The following NHERF1 variants were observed in gnomAD, a reference collection of about 807,000 sequenced individuals.
The protein encoded by NHERF1 is Na(+)/H(+) exchange regulatory cofactor NHE-RF1.
At chr17:74,749,915 T>A in the NHERF1 span, among the ~76,000 whole-genome samples, 2 of 151,952 alleles carry the variant, frequency 1.3e-5, no homozygotes, top group Non-Finnish European at 2.9e-5. The surrounding 1 kb of genome is among the most constrained non-coding windows in gnomAD (Gnocchi z 5.6). Flanking sequence ...GGTGTGGGGG[T>A]TGCCTGGCAG....
At chr17:74,756,273 C>CTTTCTT in the NHERF1 span, among the ~76,000 whole-genome samples, 360 of 72,028 alleles carry the variant, frequency 5.0e-3, 5 homozygotes, top group African/African-American at 0.014. Context: ...TTCTTTCTTT[C>CTTTCTT]TTTTTTTTTT....
chr17:74,768,317 T>G, the NHERF1 span: 28 of 1,386,130 alleles, frequency 2.0e-5, no homozygotes, highest in African/African-American at 3.6e-4. Context: ...CACACCAGCC[T>G]GCCTTTGAGG....
chr17:74,769,325 C>T, the NHERF1 span: 1 of 152,314 alleles, frequency 6.6e-6, no homozygotes, highest in Non-Finnish European at 1.5e-5. Flanking sequence ...TAAGGAAACA[C>T]TTTCAGAAAT....
chr17:74,768,231 G>A, the NHERF1 span: 64 of 1,612,026 alleles, frequency 4.0e-5, no homozygotes, highest in Non-Finnish European at 5.0e-5. Context: ...TGACACCAGC[G>A]AGGAGGTAGG....
the NHERF1 span, among the ~76,000 whole-genome samples, chr17:74,767,577 G>C: frequency 6.5e-3 from 996 of 152,286 alleles, 14 homozygotes; most frequent in African/African-American, 0.023. Context: ...CTCCTGCCAG[G>C]GTACTTGGCA....
chr17:74,753,922 G>A, the NHERF1 span, among the ~76,000 whole-genome samples: 2 of 152,076 alleles, frequency 1.3e-5, no homozygotes, highest in African/African-American at 2.4e-5. Context: ...AGGCCGAGGC[G>A]GGTGGATCAG....
the NHERF1 span, chr17:74,749,369 C>G: frequency 2.3e-5 from 30 of 1,296,306 alleles, no homozygotes; most frequent in South Asian, 4.5e-4. The surrounding 1 kb of genome is among the most constrained non-coding windows in gnomAD (Gnocchi z 5.6). Context: ...CCGTCCAGCC[C>G]CGCGCCCGCC....
At chr17:74,763,311 AC>A in the NHERF1 span, 2 of 1,565,764 alleles carry the variant, frequency 1.3e-6, no homozygotes, top group South Asian at 2.4e-5. Context: ...CCCTCCACTT[AC>A]CTGCCCCAGA....
At chr17:74,765,103 T>A in the NHERF1 span, among the ~76,000 whole-genome samples, 1 of 151,854 alleles carries the variant, frequency 6.6e-6, no homozygotes, top group Non-Finnish European at 1.5e-5. Flanking sequence ...GTGAGCCCAG[T>A]GAAGGTGACC....
chr17:74,750,219 C>A, the NHERF1 span, among the ~76,000 whole-genome samples: 2 of 152,150 alleles, frequency 1.3e-5, no homozygotes, highest in Non-Finnish European at 2.9e-5. Flanking sequence ...GGTGTTTGCC[C>A]ATGGGATCCC....
the NHERF1 span, chr17:74,767,125 A>C: frequency 1.3e-6 from 1 of 757,606 alleles, no homozygotes; most frequent in Non-Finnish European, 2.3e-6. Context: ...TCCAAGCTAT[A>C]GAACTGCCAG....
At chr17:74,761,851 A>T in the NHERF1 span, among the ~76,000 whole-genome samples, 3 of 152,188 alleles carry the variant, frequency 2.0e-5, no homozygotes, top group Non-Finnish European at 4.4e-5. This position sits in a 1 kb window ranked among gnomAD's most constrained non-coding sequence, Gnocchi z 4.3. Context: ...AAGTCTTTTG[A>T]GTCCTGGGCC....
At chr17:74,752,908 G>A in the NHERF1 span, among the ~76,000 whole-genome samples, 1 of 152,196 alleles carries the variant, frequency 6.6e-6, no homozygotes, top group Non-Finnish European at 1.5e-5. Context: ...CACATGGTAG[G>A]GAGGCTCTCA....
the NHERF1 span, chr17:74,768,603 C>A: frequency 6.2e-7 from 1 of 1,614,144 alleles, no homozygotes; most frequent in Non-Finnish European, 8.5e-7. Flanking sequence ...CAGCAGCAAA[C>A]GGGCCCCGCA....
chr17:74,755,515 TAC>T, the NHERF1 span, among the ~76,000 whole-genome samples: 1 of 152,146 alleles, frequency 6.6e-6, no homozygotes, highest in African/African-American at 2.4e-5. Context: ...GGACAAGAGT[TAC>T]AGATTCCCTG....
the NHERF1 span, among the ~76,000 whole-genome samples, chr17:74,754,446 A>G: frequency 8.1e-6 from 1 of 123,940 alleles, no homozygotes; most frequent in Non-Finnish European, 1.6e-5. Context: ...TCTGTTGCCC[A>G]GGCTGGAGTG....
chr17:74,748,854 C>T, the NHERF1 span: 2 of 1,592,726 alleles, frequency 1.3e-6, no homozygotes, highest in Non-Finnish European at 1.7e-6. This position sits in a 1 kb window ranked among gnomAD's most constrained non-coding sequence, Gnocchi z 4.3. Context: ...GAGATGAGCG[C>T]GGACGCAGCG....
chr17:74,752,454 T>A, the NHERF1 span, among the ~76,000 whole-genome samples: 1 of 152,074 alleles, frequency 6.6e-6, no homozygotes. Context: ...CTGTCCTTAA[T>A]CCAGTAGGCA....
the NHERF1 span, among the ~76,000 whole-genome samples, chr17:74,752,725 C>T: frequency 6.6e-6 from 1 of 152,202 alleles, no homozygotes; most frequent in Non-Finnish European, 1.5e-5. Context: ...AACTCCTGGG[C>T]TGAGGTGATC....
Sources: gnomAD v4.1 joint callset for allele counts (sites outside exome capture counted in the v4.1 genomes callset) on GRCh38, gnomAD v4.1.1 for gene constraint, Gnocchi (gnomAD v3.1) non-coding constraint, MANE v1.5 for transcripts, NCBI Gene and HGNC (gene_info 2026-07-23, HGNC 2026-07-21) for gene names.